Variants in CALD1 observed in about 807,000 individuals in gnomAD.
The protein encoded by CALD1 is caldesmon.
In CALD1, 33 loss-of-function variants were observed where a neutral mutation model predicts 99.9. The ratio of observed to expected loss-of-function variants is 0.33; its 90% CI spans 0.25 to 0.44. CALD1 has a LOEUF of 0.44. CALD1 is among the 20% of genes least tolerant of loss of function. The pLI, the probability that CALD1 is intolerant of heterozygous loss-of-function variation, is 1.00. For missense variants in CALD1, 861 were observed against 962.1 expected (o/e 0.89, Z 1.39); for synonymous variants, 310 against 325.0 (o/e 0.95, Z 0.50).
At chr7:134,807,217 G>A (rs1412174259) in intron 1 of CALD1, among the ~76,000 whole-genome samples, 2 of 152,164 alleles carry the variant, frequency 1.3e-5, no homozygotes, top group Non-Finnish European at 2.9e-5. Flanking sequence ...TTGAGGATTT[G>A]AAGAATATGA....
At chr7:134,788,515 T>C (rs886421199) in intron 1 of CALD1, among the ~76,000 whole-genome samples, 1 of 152,218 alleles carries the variant, frequency 6.6e-6, no homozygotes, top group African/African-American at 2.4e-5. Flanking sequence ...GCGGAATACC[T>C]CTGTGGTTCA....
chr7:134,864,619 C>G (rs1387027358), intron 2 of CALD1, among the ~76,000 whole-genome samples: 1 of 152,052 alleles, frequency 6.6e-6, no homozygotes, highest in Non-Finnish European at 1.5e-5. Flanking sequence ...AGGCTGGTCT[C>G]GAACTCCTGA....
At chr7:134,869,990 T>C (rs1800990756) in intron 3 of CALD1, among the ~76,000 whole-genome samples, 1 of 152,316 alleles carries the variant, frequency 6.6e-6, no homozygotes, top group Admixed American at 6.5e-5. Flanking sequence ...CCGGGCTCAG[T>C]GAACCACACC....
chr7:134,959,440 G>T (rs2133242108), intron 11 of CALD1, among the ~76,000 whole-genome samples: 1 of 152,250 alleles, frequency 6.6e-6, no homozygotes, highest in African/African-American at 2.4e-5. Context: ...AGGAGGCCGA[G>T]GCAGGAGGAT....
At chr7:134,924,969 C>T (rs1804890565) in intron 3 of CALD1, among the ~76,000 whole-genome samples, 1 of 152,144 alleles carries the variant, frequency 6.6e-6, no homozygotes, top group African/African-American at 2.4e-5. Flanking sequence ...TCACCTTCTG[C>T]CATAATTGTA....
intron 3 of CALD1, among the ~76,000 whole-genome samples, chr7:134,875,875 A>G (rs559397846): frequency 1.3e-5 from 2 of 152,350 alleles, no homozygotes; most frequent in Non-Finnish European, 2.9e-5. Context: ...GAAAAATAGA[A>G]ACAGAGAAGA....
At chr7:134,753,297 A>G (rs1239070918) in intron 1 of CALD1, among the ~76,000 whole-genome samples, 1 of 152,170 alleles carries the variant, frequency 6.6e-6, no homozygotes, top group Non-Finnish European at 1.5e-5. Flanking sequence ...CTTAATTTCT[A>G]TAGAAAAAAA....
rs762826958 is a variant in CALD1, at chr7:134,960,005, C to A, written c.2093C>A (p.Ala698Glu). The change falls in exon 12 of 15, where the codon GCA (alanine) becomes GAA (glutamate). Residue 698 changes from alanine to glutamate, a missense_variant. This residue lies in a region of CALD1 where 190 missense variants were observed against 249.0 expected (regional missense o/e 0.76). Coordinates refer to ENST00000361675, the MANE Select transcript of CALD1 (RefSeq NM_033138.4). ...AAAAGCGCAAAACCTACAAAGCCGG[C>A]AGCCTCGGATCTTCCTGTTCCTGCT... ...GTKSAKPTKP[A>E]ASDLPVPAEG... The A allele has an allele frequency of 1.7e-5, 27 of 1,613,894 alleles. No homozygotes were observed. The highest frequency in any genetic ancestry group is 4.2e-6 in the Non-Finnish European group (5 of 1,179,992).
intron 3 of CALD1, among the ~76,000 whole-genome samples, chr7:134,913,656 C>T (rs568633166): frequency 6.6e-6 from 1 of 150,488 alleles, no homozygotes; most frequent in African/African-American, 2.4e-5. Flanking sequence ...ATTTAGAAAC[C>T]ATTGGCTTAG....
At chr7:134,854,101 C>A (rs1416637054) in intron 2 of CALD1, among the ~76,000 whole-genome samples, 1 of 152,026 alleles carries the variant, frequency 6.6e-6, no homozygotes, top group Non-Finnish European at 1.5e-5. Flanking sequence ...TTTTTTTAAT[C>A]CAGTCTATCA....
chr7:134,941,670 A>G (rs1183224231), intron 7 of CALD1, among the ~76,000 whole-genome samples: 1 of 151,662 alleles, frequency 6.6e-6, no homozygotes, highest in East Asian at 1.9e-4. Flanking sequence ...TAAATATTGC[A>G]TAAGACTAAG....
chr7:134,961,861 A>C (rs889146139), intron 13 of CALD1: 4 of 152,184 alleles, frequency 2.6e-5, no homozygotes, highest in African/African-American at 9.6e-5. Flanking sequence ...TGGTAACATA[A>C]GGAGTAGAAA....
chr7:134,774,289 G>A (rs1478586424), intron 1 of CALD1, among the ~76,000 whole-genome samples: 1 of 151,986 alleles, frequency 6.6e-6, no homozygotes, highest in African/African-American at 2.4e-5. Flanking sequence ...TTTTCCATGA[G>A]CATGCCAGTT....
rs150522399 is a variant in CALD1, at chr7:134,840,498, A to G, written c.-129-3386A>G. Among the ~76,000 whole-genome samples the G allele has an allele frequency of 7.3e-3, 1,113 of 152,332 alleles. 10 individuals are homozygous for G. Among genetic ancestry groups the G allele is most frequent in the African/African-American group, 0.025 (1,020 of 41,572 alleles). The stretch of plus-strand genomic sequence containing the variant: ...ATTTTGGTTTTGTGGAATATTATCC[A>G]GAGTTTCTAGTTATTCTCAATGAAA... On this transcript the variant is annotated intron_variant, in intron 1 of 14. Transcript: ENST00000361675.
intron 3 of CALD1, among the ~76,000 whole-genome samples, chr7:134,871,610 T>C (rs563171054): frequency 6.6e-6 from 1 of 152,320 alleles, no homozygotes; most frequent in South Asian, 2.1e-4. Context: ...TTCATACTTA[T>C]TAGAGATGAC....
intron 3 of CALD1, among the ~76,000 whole-genome samples, chr7:134,917,506 G>A (rs1033834579): frequency 5.9e-5 from 9 of 151,938 alleles, no homozygotes; most frequent in South Asian, 4.1e-4. Context: ...GCACCACCAC[G>A]CCCAGCTAAC....
chr7:134,841,581 C>T (rs776338312), intron 1 of CALD1, among the ~76,000 whole-genome samples: 2 of 152,156 alleles, frequency 1.3e-5, no homozygotes, highest in Non-Finnish European at 2.9e-5. Flanking sequence ...TAGAACACAG[C>T]TCTCTTGAAG....
chr7:134,916,451 T>C (rs1804209516), intron 3 of CALD1, among the ~76,000 whole-genome samples: 1 of 152,112 alleles, frequency 6.6e-6, no homozygotes. Context: ...GCAGAAAAGC[T>C]CCAGAGGGCA....
At chr7:134,790,840 G>A (rs530225206) in intron 1 of CALD1, among the ~76,000 whole-genome samples, 19 of 152,266 alleles carry the variant, frequency 1.2e-4, no homozygotes, top group Admixed American at 7.2e-4. Context: ...TCAACTACTC[G>A]TACAAATACT....
Sources: gnomAD v4.1 joint callset for allele counts (sites outside exome capture counted in the v4.1 genomes callset) on GRCh38, gnomAD v4.1.1 for gene constraint, gnomAD v4.1.1 regional missense constraint, MANE v1.5 for transcripts, NCBI Gene and HGNC (gene_info 2026-07-23, HGNC 2026-07-21) for gene names.